The following DYM variants were observed in gnomAD, a reference collection of about 807,000 sequenced individuals.
The protein encoded by DYM is dymeclin.
A neutral mutation model predicts 93.1 loss-of-function variants in DYM; 78 were observed. The observed-to-expected ratio is 0.84, with a 90% CI of 0.70 to 1.01. DYM has a LOEUF of 1.01. DYM is among the 50% of genes least tolerant of loss of function. The pLI, the probability that DYM is intolerant of heterozygous loss-of-function variation, is 0.00. For synonymous variants in DYM, 321 were observed against 319.7 expected (o/e 1.00, Z -0.04); for missense variants, 789 against 845.0 (o/e 0.93, Z 0.82).
intron 13 of DYM, among the ~76,000 whole-genome samples, chr18:49,229,340 G>A (rs2093633013): frequency 6.6e-6 from 1 of 151,952 alleles, no homozygotes; most frequent in Non-Finnish European, 1.5e-5. Context: ...GCCACAGCCT[G>A]GAAGAAATAA....
At chr18:49,411,576 A>G (rs1222458072) in intron 2 of DYM, among the ~76,000 whole-genome samples, 2 of 152,144 alleles carry the variant, frequency 1.3e-5, no homozygotes, top group African/African-American at 4.8e-5. Context: ...AAAGTGAGAA[A>G]TTAATAGCTC....
chr18:49,264,017 A>G (rs1388505822), intron 11 of DYM, among the ~76,000 whole-genome samples: 2 of 151,836 alleles, frequency 1.3e-5, no homozygotes, highest in African/African-American at 4.8e-5. Flanking sequence ...TCTTGCTTCT[A>G]AAGTACCTGA....
intron 16 of DYM, among the ~76,000 whole-genome samples, chr18:49,106,749 C>G (rs8097172): frequency 0.11 from 16,474 of 152,248 alleles, 1,078 homozygotes; most frequent in African/African-American, 0.18. Context: ...TCTCTTCTGG[C>G]TTGGAGAGTT....
intron 13 of DYM, among the ~76,000 whole-genome samples, chr18:49,218,882 A>T (rs2093209703): frequency 1.3e-5 from 2 of 152,102 alleles, no homozygotes; most frequent in Admixed American, 6.5e-5. Context: ...AAAAGCTAGC[A>T]GAAGGCAAGA....
intron 8 of DYM, among the ~76,000 whole-genome samples, chr18:49,306,604 G>A (rs1031769601): frequency 6.7e-6 from 1 of 149,564 alleles, no homozygotes; most frequent in Non-Finnish European, 1.5e-5. Flanking sequence ...TAATAAACAT[G>A]GATATATTTA....
At chr18:49,396,220 C>G (rs1170720571) in intron 2 of DYM, among the ~76,000 whole-genome samples, 3 of 152,112 alleles carry the variant, frequency 2.0e-5, no homozygotes. Flanking sequence ...TTTATAGCAA[C>G]ACAAAACAGA....
At chr18:49,157,837 C>G (rs780595661) in intron 15 of DYM, among the ~76,000 whole-genome samples, 1 of 152,122 alleles carries the variant, frequency 6.6e-6, no homozygotes, top group African/African-American at 2.4e-5. Context: ...CTTTGCCTAA[C>G]CCAAAGTCAT....
chr18:49,258,345 T>A (rs1200562072), intron 12 of DYM, 35 bp downstream of exon 12: 1 of 1,418,254 alleles, frequency 7.1e-7, no homozygotes, highest in Admixed American at 1.7e-5. Context: ...TTGTACTGTA[T>A]GCAAAAAAGA....
chr18:49,450,634 T>C (rs2082444535), intron 1 of DYM, among the ~76,000 whole-genome samples: 1 of 152,218 alleles, frequency 6.6e-6, no homozygotes, highest in African/African-American at 2.4e-5. Context: ...GTAAACAGGA[T>C]TATCTGACAT....
In DYM at chr18:49,272,006, G is replaced by GA. The variant is rs33965129; in HGVS notation, c.1251+171dup. 0.77 allele frequency among the ~76,000 whole-genome samples: 103,162 copies of GA among 134,258 alleles called. 39,363 individuals carry two copies. The highest frequency in any genetic ancestry group is 0.9 in the Middle Eastern group (237 of 262). The allele number at this position is 134,258 out of a possible 152,430, so 88.1% of individuals were successfully genotyped here. On this transcript the variant is annotated intron_variant, in intron 11 of 17. Transcript: ENST00000675505. Reference sequence around the variant, plus strand: ...TTAATAGTGGTTAATAGTCATTCTGGAAAAAAAAAAAAAAAAAGCACCGCT... The same window carrying GA: ...TTAATAGTGGTTAATAGTCATTCTGGAAAAAAAAAAAAAAAAAAGCACCGCT...
intron 13 of DYM, among the ~76,000 whole-genome samples, chr18:49,233,114 C>A (rs1461217522): frequency 6.6e-6 from 1 of 152,030 alleles, no homozygotes; most frequent in African/African-American, 2.4e-5. Context: ...GTAATCCCAG[C>A]ACTTTGGGAG....
At chr18:49,202,262 G>T (rs546914924) in intron 14 of DYM, among the ~76,000 whole-genome samples, 1 of 152,312 alleles carries the variant, frequency 6.6e-6, no homozygotes, top group African/African-American at 2.4e-5. Flanking sequence ...CGACCTTTTG[G>T]TCAGAGCAAC....
chr18:49,182,783 C>A (rs142262326), intron 14 of DYM, among the ~76,000 whole-genome samples: 85 of 152,274 alleles, frequency 5.6e-4, no homozygotes, highest in Non-Finnish European at 9.1e-4. Flanking sequence ...ACTCTCAATA[C>A]TCACAGGGCT....
At chr18:49,454,780 C>T (rs1415820955) in intron 1 of DYM, among the ~76,000 whole-genome samples, 2 of 151,652 alleles carry the variant, frequency 1.3e-5, no homozygotes, top group Non-Finnish European at 2.9e-5. Context: ...TTGTGGCCGG[C>T]GCCTGTAGTC....
chr18:49,365,665 G>A (rs1253497474), intron 5 of DYM, among the ~76,000 whole-genome samples: 1 of 152,164 alleles, frequency 6.6e-6, no homozygotes, highest in African/African-American at 2.4e-5. Context: ...ATCACTCAGT[G>A]ATTCCCTAAG....
intron 3 of DYM, among the ~76,000 whole-genome samples, chr18:49,388,913 C>A (rs1159381413): frequency 7.8e-5 from 10 of 128,972 alleles, no homozygotes; most frequent in African/African-American, 8.7e-5. Context: ...CATTTTCAGA[C>A]AAAAAAAAAA....
intron 17 of DYM, among the ~76,000 whole-genome samples, chr18:49,080,053 G>C (rs962617270): frequency 6.8e-6 from 1 of 148,024 alleles, no homozygotes; most frequent in African/African-American, 2.5e-5. Flanking sequence ...TTCCTAGTAG[G>C]GGTGGCCGGG....
At chr18:49,423,964 A>T (rs1339601385) in intron 2 of DYM, among the ~76,000 whole-genome samples, 1 of 151,988 alleles carries the variant, frequency 6.6e-6, no homozygotes, top group Non-Finnish European at 1.5e-5. Context: ...ATTCTACCAG[A>T]GGTACAAAGA....
chr18:49,041,823 G>C lies in DYM; in HGVS notation c.*2232C>G, dbSNP rs1052896748. On this transcript the variant is annotated 3_prime_UTR_variant, in exon 18 of 18. Transcript: ENST00000675505. ...AGTGTGCCCTCTGTCAAGATGACTG[G>C]GTTTTTGAAGGGCCTCATTTCCTCA... The C allele has an allele frequency of 6.6e-6, 1 of 152,168 alleles. No homozygotes were observed. The highest frequency in any genetic ancestry group is 2.4e-5 in the African/African-American group (1 of 41,428). 9.4% of individuals were successfully genotyped at this position (152,168 alleles called of 1,614,324 possible).
Sources: allele counts gnomAD v4.1 joint callset (sites outside exome capture counted in the v4.1 genomes callset), GRCh38; gene constraint gnomAD v4.1.1; transcripts MANE v1.5; gene names NCBI Gene and HGNC (gene_info 2026-07-23, HGNC 2026-07-21).